The following POU6F2 variants were observed in gnomAD, a reference collection of about 807,000 sequenced individuals.
The protein encoded by POU6F2 is POU domain, class 6, transcription factor 2.
A neutral mutation model predicts 71.3 loss-of-function variants in POU6F2; 31 were observed. The ratio of observed to expected loss-of-function variants is 0.43; its 90% confidence interval spans 0.33 to 0.59. POU6F2 has a LOEUF of 0.59. POU6F2 is among the 20% of genes least tolerant of loss of function. The probability of loss-of-function intolerance (pLI) is 0.04; values close to 1 mark genes in which losing one functional copy is unlikely to be tolerated. For synonymous variants in POU6F2, 347 were observed against 355.7 expected, an observed-to-expected ratio of 0.98 and a Z score of 0.27; for missense variants, 783 against 856.8, an observed-to-expected ratio of 0.91 and a Z score of 1.07.
chr7:39,407,218 A>G (rs1787454054), intron 6 of POU6F2, among the ~76,000 whole-genome samples: 2 of 151,984 alleles, frequency 1.3e-5, no homozygotes, highest in Non-Finnish European at 2.9e-5. Context: ...GGTGATGAAG[A>G]AGTCTTGTAA....
At chr7:39,173,163 A>G (rs1281300309) in intron 2 of POU6F2, among the ~76,000 whole-genome samples, 1 of 152,246 alleles carries the variant, frequency 6.6e-6, no homozygotes, top group Non-Finnish European at 1.5e-5. Context: ...TGTGTTAGAA[A>G]TGGACCTACG....
chr7:39,021,308 G>A (rs974989469), intron 1 of POU6F2, among the ~76,000 whole-genome samples: 1 of 151,472 alleles, frequency 6.6e-6, no homozygotes, highest in Non-Finnish European at 1.5e-5. Flanking sequence ...TGAAAGTTTT[G>A]CATGTTATTT....
intron 2 of POU6F2, among the ~76,000 whole-genome samples, chr7:39,124,092 G>T (rs191710062): frequency 1.4e-5 from 2 of 138,204 alleles, no homozygotes; most frequent in Non-Finnish European, 3.0e-5. Flanking sequence ...TGTCACCCCG[G>T]CTGGAGTGCA....
At chr7:39,078,150 A>T (rs1411432656) in intron 1 of POU6F2, among the ~76,000 whole-genome samples, 1 of 152,218 alleles carries the variant, frequency 6.6e-6, no homozygotes, top group Non-Finnish European at 1.5e-5. Flanking sequence ...ACATTCAGAT[A>T]TTTATTAAAC....
chr7:39,089,714 A>G (rs1340969038), intron 2 of POU6F2, among the ~76,000 whole-genome samples: 1 of 152,220 alleles, frequency 6.6e-6, no homozygotes, highest in African/African-American at 2.4e-5. Context: ...AAAGGATAAA[A>G]GTAATATATA....
intron 2 of POU6F2, among the ~76,000 whole-genome samples, chr7:39,195,328 G>A (rs918412340): frequency 6.6e-6 from 1 of 152,178 alleles, no homozygotes; most frequent in South Asian, 2.1e-4. Flanking sequence ...CATATTAGCA[G>A]AAGTGACTGC....
intron 5 of POU6F2, among the ~76,000 whole-genome samples, chr7:39,356,009 C>A (rs1786248748): frequency 6.6e-6 from 1 of 152,100 alleles, no homozygotes. Context: ...AAGTCAGGGG[C>A]TGTCGAGCTT....
chr7:39,204,265 C>G lies in POU6F2; in HGVS notation c.308C>G (p.Pro103Arg). ...GARGNPALSDPGTPDQHQASQ... is the reference protein window; with the variant it reads ...GARGNPALSDRGTPDQHQASQ... ...AGAGGAAACCCAGCATTATCAGACC[C>G]AGGCACTCCTGACCAACACCAGGCC... is the stretch of plus-strand genomic sequence containing the variant. The change falls in exon 3 of 10, where the codon CCA (proline) becomes CGA (arginine). Residue 103 changes from proline to arginine, a missense_variant. Coordinates refer to ENST00000518318, the MANE Select transcript of POU6F2 (RefSeq NM_001370959.1). 1 of 1,613,848 alleles carries G rather than the reference C, an allele frequency of 6.2e-7. No individual in the cohort carries two copies. Among genetic ancestry groups the G allele is most frequent in the Non-Finnish European group, 8.5e-7 (1 of 1,179,822 alleles).
At chr7:38,988,417 C>A (rs1466997778) in intron 1 of POU6F2, among the ~76,000 whole-genome samples, 1 of 152,020 alleles carries the variant, frequency 6.6e-6, no homozygotes, top group East Asian at 1.9e-4. Flanking sequence ...CCTCCTGCCC[C>A]CCGCCAATCA....
At chr7:39,097,156 C>A (rs373950103) in intron 2 of POU6F2, among the ~76,000 whole-genome samples, 1 of 151,954 alleles carries the variant, frequency 6.6e-6, no homozygotes, top group Non-Finnish European at 1.5e-5. Context: ...GTATATATGC[C>A]CTTTTCCAGA....
At chr7:39,026,257 C>T (rs1789797398) in intron 1 of POU6F2, among the ~76,000 whole-genome samples, 2 of 151,724 alleles carry the variant, frequency 1.3e-5, no homozygotes, top group South Asian at 4.2e-4. Context: ...TGGGTATATA[C>T]CCAAAGGACT....
At chr7:39,028,668 C>A (rs1168362754) in intron 1 of POU6F2, among the ~76,000 whole-genome samples, 1 of 152,074 alleles carries the variant, frequency 6.6e-6, no homozygotes, top group Admixed American at 6.6e-5. Context: ...AATCCATAAT[C>A]ATGATATATC....
At chr7:39,333,739 AAAAT>A (rs1337624833) in intron 4 of POU6F2, among the ~76,000 whole-genome samples, 2 of 152,212 alleles carry the variant, frequency 1.3e-5, no homozygotes, top group Admixed American at 6.5e-5. Context: ...CTTTGTCTCA[AAAAT>A]AAATAAATAA....
chr7:39,009,568 G>T (rs1301376579), intron 1 of POU6F2, among the ~76,000 whole-genome samples: 4 of 152,070 alleles, frequency 2.6e-5, no homozygotes, highest in Non-Finnish European at 2.9e-5. Context: ...TGTTGAATAG[G>T]AGTGGTGAGA....
intron 1 of POU6F2, among the ~76,000 whole-genome samples, chr7:38,986,862 T>C (rs533485492): frequency 6.6e-6 from 1 of 152,282 alleles, no homozygotes; most frequent in South Asian, 2.1e-4. Context: ...ATACTATACA[T>C]AGAGTTCTGC....
intron 4 of POU6F2, among the ~76,000 whole-genome samples, chr7:39,297,899 G>A (rs1389926906): frequency 6.6e-6 from 1 of 152,114 alleles, no homozygotes; most frequent in Non-Finnish European, 1.5e-5. Flanking sequence ...AACAAGCAAT[G>A]GAGAAAGGAT....
At chr7:39,250,072 G>A (rs926300032) in intron 4 of POU6F2, among the ~76,000 whole-genome samples, 1 of 152,180 alleles carries the variant, frequency 6.6e-6, no homozygotes, top group East Asian at 1.9e-4. Flanking sequence ...AGCAGTGCCA[G>A]AGAAACAAAT....
chr7:39,028,300 G>A (rs956680662), intron 1 of POU6F2, among the ~76,000 whole-genome samples: 4 of 151,738 alleles, frequency 2.6e-5, no homozygotes, highest in African/African-American at 7.3e-5. Flanking sequence ...GTTGCTGGGC[G>A]GACATTTTTT....
intron 1 of POU6F2, among the ~76,000 whole-genome samples, chr7:38,988,091 T>C (rs1311907960): frequency 1.3e-5 from 2 of 152,104 alleles, no homozygotes; most frequent in African/African-American, 4.8e-5. Flanking sequence ...TAGAAGTAAG[T>C]ACAGATCATC....
Sources: allele counts gnomAD v4.1 joint callset (sites outside exome capture counted in the v4.1 genomes callset), GRCh38; gene constraint gnomAD v4.1.1; transcripts MANE v1.5; gene names NCBI Gene and HGNC (gene_info 2026-07-23, HGNC 2026-07-21).